MYO9A: variants seen among roughly 807,000 people sequenced by gnomAD.
The protein encoded by MYO9A is myosin IXA.
A neutral mutation model predicts 293.3 loss-of-function variants in MYO9A; 103 were observed. The ratio of observed to expected loss-of-function variants is 0.35; its 90% confidence interval spans 0.30 to 0.41. The LOEUF is 0.41. Among genes scored for constraint, MYO9A ranks in the 10% least tolerant of loss-of-function variants. MYO9A has a pLI of 1.00. For missense variants in MYO9A, 2,685 were observed against 3,033.0 expected, an observed-to-expected ratio of 0.89 and a Z score of 2.69; for synonymous variants, 1,001 against 1,035.7, an observed-to-expected ratio of 0.97 and a Z score of 0.64.
chr15:71,968,871 T>C (rs757961062), intron 12 of MYO9A, among the ~76,000 whole-genome samples: 15 of 152,216 alleles, frequency 9.9e-5, no homozygotes, highest in Non-Finnish European at 1.9e-4. Flanking sequence ...AATAGCTTCA[T>C]TTAATGGTAG....
At chr15:71,907,119 G>A (rs71395047) in intron 19 of MYO9A, among the ~76,000 whole-genome samples, 1 of 127,214 alleles carries the variant, frequency 7.9e-6, no homozygotes, top group Non-Finnish European at 1.6e-5. Context: ...ACAGTCCCCA[G>A]ACTGTGATGT....
chr15:71,900,343 G>A (rs1408487473), intron 23 of MYO9A, among the ~76,000 whole-genome samples: 1 of 148,714 alleles, frequency 6.7e-6, no homozygotes, highest in Non-Finnish European at 1.5e-5. Context: ...GGCTGAGGCA[G>A]GAGAATGGCG....
chr15:72,021,029 A>C lies in MYO9A; in HGVS notation c.999-12T>G, dbSNP rs1003023452. 3 of 1,505,624 alleles carry C rather than the reference A, an allele frequency of 2.0e-6. No homozygotes were observed. In the African/African-American group the frequency reaches 4.3e-5, roughly 22 times the overall value. The allele number at this position is 1,505,624 out of a possible 1,614,324, so 93.3% of individuals were successfully genotyped here. ...ATACATGATAGTTCCTGTGGGAAAC[A>C]AAGAAGTACAAGTTTCATAATGTGT... is the stretch of plus-strand genomic sequence containing the variant. On this transcript the variant is annotated splice_polypyrimidine_tract_variant and intron_variant, in intron 4 of 41. Coordinates refer to ENST00000356056, the MANE Select transcript of MYO9A (RefSeq NM_006901.4).
chr15:71,829,524 C>G (rs1335895613), intron 40 of MYO9A, among the ~76,000 whole-genome samples: 1 of 151,446 alleles, frequency 6.6e-6, no homozygotes, highest in Admixed American at 6.6e-5. Context: ...TCTCATTTGT[C>G]TCTCTCCTAA....
intron 6 of MYO9A, among the ~76,000 whole-genome samples, chr15:72,011,932 T>C (rs1414642711): frequency 2.6e-5 from 4 of 152,226 alleles, no homozygotes; most frequent in Non-Finnish European, 4.4e-5. Flanking sequence ...GGTAAATACA[T>C]AGTCATTGAA....
chr15:71,833,916 TAATTAATTAAA>T (rs1413466239), intron 39 of MYO9A, among the ~76,000 whole-genome samples: 1 of 148,540 alleles, frequency 6.7e-6, no homozygotes, highest in Non-Finnish European at 1.5e-5. Flanking sequence ...AGAAAAGAAT[TAATTAATTAAA>T]GAATTAATTA....
At chr15:72,030,439 C>A (rs532111470) in intron 3 of MYO9A, among the ~76,000 whole-genome samples, 1 of 152,212 alleles carries the variant, frequency 6.6e-6, no homozygotes, top group Admixed American at 6.5e-5. Context: ...TCTAAGATGC[C>A]AACCACAAAT....
intron 3 of MYO9A, among the ~76,000 whole-genome samples, chr15:72,029,934 T>C (rs537297105): frequency 1.3e-5 from 2 of 152,318 alleles, no homozygotes; most frequent in East Asian, 3.9e-4. Flanking sequence ...CCACATGCTA[T>C]ATACTTCAGT....
In MYO9A at chr15:72,041,622, T is replaced by C. The variant is rs1001788059; in HGVS notation, c.840+4102A>G. 18 of 247,830 alleles carry C rather than the reference T, an allele frequency of 7.3e-5. No individual in the cohort carries two copies. In the South Asian group the frequency reaches 8.0e-4, roughly 11 times the overall value. 15.4% of individuals were successfully genotyped at this position (247,830 alleles called of 1,614,324 possible). Reference sequence around the variant, plus strand: ...AGGGTGAGTGCTGGAAGCCCCAGCATCTCCAGTAGTTAAATCAATTTCGTA... The same window carrying C: ...AGGGTGAGTGCTGGAAGCCCCAGCACCTCCAGTAGTTAAATCAATTTCGTA... On this transcript the variant is annotated intron_variant, in intron 2 of 41. Transcript: ENST00000356056.
chr15:71,935,585 A>G, intron 16 of MYO9A, 101 bp from the exon 17 acceptor site: 1 of 1,219,570 alleles, frequency 8.2e-7, no homozygotes, highest in Non-Finnish European at 1.1e-6. Flanking sequence ...TAAAATTTAG[A>G]AAAAAATGCT....
At chr15:72,057,954 C>T (rs1357781027) in intron 1 of MYO9A, among the ~76,000 whole-genome samples, 5 of 152,176 alleles carry the variant, frequency 3.3e-5, no homozygotes, top group Non-Finnish European at 7.4e-5. Flanking sequence ...GGTAGTATTT[C>T]AGTGCAATAC....
At chr15:71,874,991 A>G (rs568850122) in intron 32 of MYO9A, among the ~76,000 whole-genome samples, 1 of 152,256 alleles carries the variant, frequency 6.6e-6, no homozygotes, top group Non-Finnish European at 1.5e-5. Context: ...TATTCCTACT[A>G]TAATATTTAT....
At chr15:71,987,514 T>C (rs1444174176) in intron 11 of MYO9A, among the ~76,000 whole-genome samples, 1 of 152,222 alleles carries the variant, frequency 6.6e-6, no homozygotes, top group Admixed American at 6.5e-5. Context: ...CTATTTGAAA[T>C]TATATGCCAG....
intron 1 of MYO9A, among the ~76,000 whole-genome samples, chr15:72,047,396 TCCTTA>T (rs1239724772): frequency 5.3e-5 from 8 of 152,236 alleles, no homozygotes; most frequent in Non-Finnish European, 1.2e-4. Context: ...TTTATTGCAT[TCCTTA>T]CAAGTATTCT....
Position 71,952,004 on chromosome 15 carries a change from G to A in MYO9A, c.2183-108C>T, listed in dbSNP as rs2059063718. On this transcript the variant is annotated intron_variant, in intron 14 of 41. Transcript: ENST00000356056. ...GGACAATGCTGCCAACTATTTAAGG[G>A]TGTATAAAAATGTATCAAATAATAG... is the stretch of plus-strand genomic sequence containing the variant. 3 of 1,220,718 alleles carry A rather than the reference G, an allele frequency of 2.5e-6. No individual in the cohort carries two copies. The African/African-American group carries it at 4.6e-5, about 19-fold the overall frequency. The allele number at this position is 1,220,718 out of a possible 1,614,324, so 75.6% of individuals were successfully genotyped here. A position where few individuals can be genotyped will look rare whatever the true frequency, so the allele number is the denominator to read the frequency against.
intron 1 of MYO9A, among the ~76,000 whole-genome samples, chr15:72,051,908 G>C (rs1333574776): frequency 1.3e-5 from 2 of 152,184 alleles, no homozygotes; most frequent in East Asian, 3.9e-4. Flanking sequence ...CTTCAAGCCA[G>C]GGAAGGCCTG....
chr15:72,064,914 A>T lies in MYO9A; in HGVS notation c.-71-18280T>A, dbSNP rs144252224. Among the ~76,000 whole-genome samples the T allele has an allele frequency of 2.8e-3, 427 of 152,328 alleles. 1 individual carries two copies. The highest frequency in any genetic ancestry group is 3.8e-3 in the Non-Finnish European group (259 of 68,022). ...CCTAGAATAGCCAAGACAATCTTAA[A>T]GAATAACAAAGTTGGAGGACTTATA... On this transcript the variant is annotated intron_variant, in intron 1 of 41. Transcript: ENST00000356056.
intron 39 of MYO9A, among the ~76,000 whole-genome samples, chr15:71,840,796 A>AT (rs2055127864): frequency 6.6e-6 from 1 of 151,900 alleles, no homozygotes; most frequent in African/African-American, 2.4e-5. Context: ...TGCCCGGCTA[A>AT]TTTTTTTGTA....
Position 72,027,811 on chromosome 15 carries a change from T to C in MYO9A, c.936-18A>G. 2 of 1,557,276 alleles carry C rather than the reference T, an allele frequency of 1.3e-6. No individual in the cohort carries two copies. Among genetic ancestry groups the C allele is most frequent in the Non-Finnish European group, 1.8e-6 (2 of 1,138,706 alleles). On this transcript the variant is annotated intron_variant, in intron 3 of 41. Coordinates refer to ENST00000356056, the MANE Select transcript of MYO9A (RefSeq NM_006901.4). ...CATAGGCACTACAAGAAAAATTAAA[T>C]TGGTTGATATAAATAATAAAGTTTA...
Sources: allele counts gnomAD v4.1 joint callset (sites outside exome capture counted in the v4.1 genomes callset), GRCh38; gene constraint gnomAD v4.1.1; transcripts MANE v1.5; gene names NCBI Gene and HGNC (gene_info 2026-07-23, HGNC 2026-07-21).